GAS2: variants seen among roughly 807,000 people sequenced by gnomAD.
GAS2 encodes growth arrest specific 2.
In GAS2, 20 loss-of-function variants were observed where a neutral mutation model predicts 37.5. That is an observed-to-expected ratio of 0.53 (90% CI 0.37 to 0.77). The LOEUF (loss-of-function observed/expected upper bound fraction) is 0.77. Ranked by LOEUF, GAS2 falls within the 30% of genes least tolerant of loss-of-function variation. The pLI is 0.00. For synonymous variants in GAS2, 144 were observed against 132.2 expected (o/e 1.09, Z -0.61); for missense variants, 336 against 373.4 (o/e 0.90, Z 0.82).
In GAS2 at chr11:22,812,665, T is replaced by C. The variant is rs1481712360; in HGVS notation, c.*649T>C. ...GTACACCCCCTTAGAGAATAGCTTA[T>C]GAGTTATTTCACACATTCCTGAGCA... On this transcript the variant is annotated 3_prime_UTR_variant, in exon 8 of 8. Coordinates refer to ENST00000454584, the MANE Select transcript of GAS2 (RefSeq NM_001143830.3). 1 of 152,748 alleles carries C rather than the reference T, an allele frequency of 6.5e-6. No individual in the cohort carries two copies. The highest frequency in any genetic ancestry group is 1.5e-5 in the Non-Finnish European group (1 of 68,146). The allele number at this position is 152,748 out of a possible 1,614,324, so 9.5% of individuals were successfully genotyped here. A position where few individuals can be genotyped will look rare whatever the true frequency, so the allele number is the denominator to read the frequency against.
chr11:22,718,937 T>C (rs1216300745), intron 3 of GAS2, among the ~76,000 whole-genome samples: 1 of 152,092 alleles, frequency 6.6e-6, no homozygotes, highest in African/African-American at 2.4e-5. Context: ...AATGCATTTG[T>C]TGTCAAACTT....
chr11:22,705,709 C>A (rs1478859305), intron 3 of GAS2, among the ~76,000 whole-genome samples: 4 of 152,090 alleles, frequency 2.6e-5, no homozygotes, highest in Non-Finnish European at 5.9e-5. Context: ...ATATACAGGG[C>A]AAAATATTGG....
At chr11:22,653,816 G>T (rs756042091) in intron 1 of GAS2, among the ~76,000 whole-genome samples, 3 of 152,148 alleles carry the variant, frequency 2.0e-5, no homozygotes, top group African/African-American at 4.8e-5. Context: ...TTGATCAATA[G>T]AGCATAATAA....
chr11:22,774,894 G>A (rs1212147338), intron 7 of GAS2, among the ~76,000 whole-genome samples: 2 of 152,050 alleles, frequency 1.3e-5, no homozygotes, highest in Admixed American at 6.6e-5. Flanking sequence ...AAGTGAAAGT[G>A]TTTCAACCAG....
intron 7 of GAS2, among the ~76,000 whole-genome samples, chr11:22,797,701 G>A (rs567955208): frequency 6.6e-6 from 1 of 152,144 alleles, no homozygotes; most frequent in East Asian, 1.9e-4. Flanking sequence ...TTAAATAGGA[G>A]GAAGTACTAT....
chr11:22,659,447 C>T (rs1848892323), intron 1 of GAS2, among the ~76,000 whole-genome samples: 1 of 152,208 alleles, frequency 6.6e-6, no homozygotes. Flanking sequence ...CTATCCTCGA[C>T]TGATACCAGA....
intron 3 of GAS2, among the ~76,000 whole-genome samples, chr11:22,693,598 A>G (rs957274770): frequency 2.6e-5 from 4 of 152,182 alleles, no homozygotes; most frequent in African/African-American, 2.4e-5. Context: ...AAATTATGAC[A>G]TTTTTTGAGA....
intron 3 of GAS2, among the ~76,000 whole-genome samples, chr11:22,700,993 G>C (rs996550599): frequency 6.6e-6 from 1 of 152,070 alleles, no homozygotes; most frequent in Non-Finnish European, 1.5e-5. Context: ...AAAATAGTTG[G>C]TGAGGGAAAT....
At chr11:22,685,198 T>C (rs1219589864) in intron 2 of GAS2, among the ~76,000 whole-genome samples, 3 of 152,138 alleles carry the variant, frequency 2.0e-5, no homozygotes, top group African/African-American at 7.2e-5. Context: ...TACGGCGTTC[T>C]TGTAGTCAGA....
At chr11:22,627,929 A>T (rs2133801290) in intron 1 of GAS2, among the ~76,000 whole-genome samples, 1 of 152,306 alleles carries the variant, frequency 6.6e-6, no homozygotes, top group South Asian at 2.1e-4. Flanking sequence ...GGCCTATTTA[A>T]GGAGGTGGAA....
At chr11:22,744,218 A>G (rs947090726) in intron 5 of GAS2, among the ~76,000 whole-genome samples, 1 of 152,090 alleles carries the variant, frequency 6.6e-6, no homozygotes, top group African/African-American at 2.4e-5. Context: ...TCTACCAGAC[A>G]TACAAAGAAG....
intron 7 of GAS2, among the ~76,000 whole-genome samples, chr11:22,782,481 AGGT>A (rs1855598532): frequency 6.6e-6 from 1 of 152,040 alleles, no homozygotes; most frequent in Admixed American, 6.6e-5. Flanking sequence ...CCCAGTGCTG[AGGT>A]TGGGGTATGA....
intron 2 of GAS2, among the ~76,000 whole-genome samples, chr11:22,678,024 G>T (rs1849512879): frequency 6.6e-6 from 1 of 152,042 alleles, no homozygotes; most frequent in Non-Finnish European, 1.5e-5. Context: ...TAACACAAAT[G>T]CAATTGATGG....
In GAS2 at chr11:22,685,767, T is replaced by A. The variant is rs375553055; in HGVS notation, c.245T>A (p.Met82Lys). 1.2e-6 allele frequency: 2 copies of A among 1,613,612 alleles called. No homozygotes were observed. Among genetic ancestry groups the A allele is most frequent in the East Asian group, 2.2e-5 (1 of 44,830 alleles). The change falls in exon 3 of 8, where the codon ATG (methionine) becomes AAG (lysine). Residue 82 changes from methionine (M) to lysine (K), a missense_variant. Coordinates refer to ENST00000454584, the MANE Select transcript of GAS2 (RefSeq NM_001143830.3). The stretch of plus-strand genomic sequence containing the variant: ...ATGCAGGAGAAATTCAAGGAGAGCA[T>A]GGATGCTAACAAGCCCACAAAGGTA... ...ETMQEKFKES[M>K]DANKPTKNLP...
chr11:22,761,687 C>A (rs1394450857), intron 7 of GAS2, among the ~76,000 whole-genome samples: 1 of 152,022 alleles, frequency 6.6e-6, no homozygotes, highest in East Asian at 1.9e-4. Flanking sequence ...CTTTGTTAGC[C>A]TGTATCAGAA....
chr11:22,725,697 T>G (rs1852169874), intron 3 of GAS2, among the ~76,000 whole-genome samples: 1 of 152,124 alleles, frequency 6.6e-6, no homozygotes. Context: ...GTGCTGGGAT[T>G]ACAGGCATGA....
At chr11:22,729,902 A>G (rs573624007) in intron 4 of GAS2, among the ~76,000 whole-genome samples, 6 of 151,984 alleles carry the variant, frequency 3.9e-5, no homozygotes, top group Admixed American at 3.9e-4. Context: ...GCAATTTTAT[A>G]TCAAAGACCT....
At chr11:22,651,013 T>G (rs1353517527) in intron 1 of GAS2, among the ~76,000 whole-genome samples, 1 of 152,236 alleles carries the variant, frequency 6.6e-6, no homozygotes, top group Non-Finnish European at 1.5e-5. Context: ...CTTCCTAGTC[T>G]TGTTGGTCTT....
intron 5 of GAS2, 98 bp from the exon 6 acceptor site, chr11:22,749,022 C>G (rs978621580): frequency 8.6e-7 from 1 of 1,157,214 alleles, no homozygotes; most frequent in Non-Finnish European, 1.2e-6. Flanking sequence ...TTTTAAAAGT[C>G]AGTGATTTAC....
Sources: gnomAD v4.1 joint callset for allele counts (sites outside exome capture counted in the v4.1 genomes callset) on GRCh38, gnomAD v4.1.1 for gene constraint, MANE v1.5 for transcripts, NCBI Gene and HGNC (gene_info 2026-07-23, HGNC 2026-07-21) for gene names.